The following MGMT variants were observed in gnomAD, a reference collection of about 807,000 sequenced individuals.
The protein encoded by MGMT is methylated-DNA--protein-cysteine methyltransferase.
A neutral mutation model predicts 15.9 loss-of-function variants in MGMT; 14 were observed. The observed-to-expected ratio is 0.88, with a 90% confidence interval of 0.58 to 1.37. MGMT has a LOEUF of 1.37. Ranked by LOEUF, MGMT falls within the 40% of genes most tolerant of loss-of-function variation. The pLI is 0.00. For synonymous variants in MGMT, 130 were observed against 118.2 expected, an observed-to-expected ratio of 1.10 and a Z score of -0.65; for missense variants, 282 against 268.1, an observed-to-expected ratio of 1.05 and a Z score of -0.36.
At chr10:129,472,860 GGTA>G (rs1471109250) in intron 1 of MGMT, among the ~76,000 whole-genome samples, 1 of 152,038 alleles carries the variant, frequency 6.6e-6, no homozygotes, top group African/African-American at 2.4e-5. Flanking sequence ...TGCAGCATAA[GGTA>G]GTTCCCTATT....
chr10:129,609,524 G>A (rs545234403), intron 2 of MGMT, among the ~76,000 whole-genome samples: 5 of 152,354 alleles, frequency 3.3e-5, no homozygotes, highest in South Asian at 2.1e-4. Flanking sequence ...TGCCACCCAA[G>A]GTGAAGAGGA....
chr10:129,754,657 GAGAAGTCCA>G (rs1347680769), intron 3 of MGMT, among the ~76,000 whole-genome samples: 2 of 152,250 alleles, frequency 1.3e-5, no homozygotes, highest in African/African-American at 4.8e-5. Context: ...TCTGGAGGCT[GAGAAGTCCA>G]AGAGCATGAC....
intron 2 of MGMT, among the ~76,000 whole-genome samples, chr10:129,610,502 C>T (rs946619365): frequency 6.6e-6 from 1 of 152,262 alleles, no homozygotes; most frequent in Non-Finnish European, 1.5e-5. Flanking sequence ...TTTTCTTCAG[C>T]TCTCCGTCCA....
At chr10:129,655,030 G>A (rs989064610) in intron 2 of MGMT, among the ~76,000 whole-genome samples, 1 of 152,202 alleles carries the variant, frequency 6.6e-6, no homozygotes, top group Non-Finnish European at 1.5e-5. Context: ...ATTCAGGCTC[G>A]ATGGAGAGGG....
chr10:129,767,447 A>T lies in MGMT; in HGVS notation c.*450A>T, dbSNP rs567211766. ...GCTGTGATGGCATTCTCCACTCAGC[A>T]GTTCCTAGCATCCCACACCCAGGTC... On this transcript the variant is annotated 3_prime_UTR_variant, in exon 5 of 5. Coordinates refer to ENST00000651593, the MANE Select transcript of MGMT (RefSeq NM_002412.5). The T allele has an allele frequency of 6.5e-6, 1 of 154,944 alleles. No individual in the cohort carries two copies. The highest frequency in any genetic ancestry group is 1.4e-5 in the Non-Finnish European group (1 of 69,956). 9.6% of individuals were successfully genotyped at this position (154,944 alleles called of 1,614,324 possible).
At chr10:129,706,666 C>A (rs1007534659) in intron 2 of MGMT, among the ~76,000 whole-genome samples, 6 of 152,078 alleles carry the variant, frequency 3.9e-5, no homozygotes, top group African/African-American at 1.4e-4. Flanking sequence ...GAAATCGGAC[C>A]CAGGGCCAGG....
chr10:129,578,849 A>G (rs555247154), intron 2 of MGMT, among the ~76,000 whole-genome samples: 51 of 152,322 alleles, frequency 3.3e-4, no homozygotes, highest in African/African-American at 1.2e-3. Flanking sequence ...TATTAGTACA[A>G]ATAGTTTTAA....
chr10:129,504,212 G>C (rs901558304), intron 1 of MGMT, among the ~76,000 whole-genome samples: 2 of 152,218 alleles, frequency 1.3e-5, no homozygotes, highest in African/African-American at 2.4e-5. Context: ...GTATGTACCT[G>C]GAACACAGCA....
chr10:129,549,904 G>T (rs184503902), intron 2 of MGMT, among the ~76,000 whole-genome samples: 2 of 152,174 alleles, frequency 1.3e-5, no homozygotes, highest in East Asian at 3.9e-4. Flanking sequence ...GTCTGATATG[G>T]AGGAGCAGAG....
intron 2 of MGMT, among the ~76,000 whole-genome samples, chr10:129,675,130 G>A (rs775300115): frequency 1.3e-5 from 2 of 152,210 alleles, no homozygotes; most frequent in Admixed American, 1.3e-4. Context: ...TGTGCTTGCC[G>A]TGCAAAGCAG....
rs56257901 is a variant in MGMT, at chr10:129,767,050, G to C, written c.*53G>C. 5.5e-6 allele frequency: 8 copies of C among 1,452,608 alleles called. No individual in the cohort carries two copies. In the African/African-American group the frequency reaches 1.1e-4, roughly 20 times the overall value. 90.0% of individuals were successfully genotyped at this position (1,452,608 alleles called of 1,614,324 possible). A position where few individuals can be genotyped will look rare whatever the true frequency, so the allele number is the denominator to read the frequency against. On this transcript the variant is annotated 3_prime_UTR_variant, in exon 5 of 5. Coordinates refer to ENST00000651593, the MANE Select transcript of MGMT (RefSeq NM_002412.5). ...CGACACACACGTGTAACACTGCATC[G>C]GATGCGGGGCGTGGAGGCACCGCTG...
At chr10:129,481,092 A>G (rs1409577114) in intron 1 of MGMT, among the ~76,000 whole-genome samples, 1 of 152,134 alleles carries the variant, frequency 6.6e-6, no homozygotes. Flanking sequence ...CCTTCCTCCT[A>G]GAGTTTGGTG....
intron 2 of MGMT, among the ~76,000 whole-genome samples, chr10:129,582,222 C>T (rs1846564802): frequency 6.6e-6 from 1 of 152,210 alleles, no homozygotes; most frequent in African/African-American, 2.4e-5. Context: ...CCCCGCCTGG[C>T]CTTCTGCCCG....
At chr10:129,554,819 T>C (rs1239543820) in intron 2 of MGMT, among the ~76,000 whole-genome samples, 2 of 152,160 alleles carry the variant, frequency 1.3e-5, no homozygotes, top group East Asian at 3.9e-4. Flanking sequence ...TTCCTGGCAT[T>C]ATTACCCAGT....
chr10:129,629,397 G>C (rs4751107), intron 2 of MGMT, among the ~76,000 whole-genome samples: 3 of 152,016 alleles, frequency 2.0e-5, no homozygotes, highest in Non-Finnish European at 4.4e-5. Flanking sequence ...GTGTATCATA[G>C]AATATTTCAT....
chr10:129,469,724 A>G (rs1366783822), intron 1 of MGMT, among the ~76,000 whole-genome samples: 1 of 152,156 alleles, frequency 6.6e-6, no homozygotes, highest in Non-Finnish European at 1.5e-5. Context: ...TATTATTTTT[A>G]GAGACAAGGT....
chr10:129,763,774 C>A (rs1025216211), intron 4 of MGMT, among the ~76,000 whole-genome samples: 9 of 152,184 alleles, frequency 5.9e-5, no homozygotes, highest in Admixed American at 1.3e-4. Flanking sequence ...TGATAAAAAT[C>A]ATCAATCAGG....
intron 2 of MGMT, among the ~76,000 whole-genome samples, chr10:129,587,324 G>GT (rs368600603): frequency 5.1e-4 from 75 of 147,028 alleles, no homozygotes; most frequent in East Asian, 2.0e-3. Flanking sequence ...TGATTTTTTT[G>GT]TTTTTTTTGC....
chr10:129,656,808 C>T (rs944158961), intron 2 of MGMT, among the ~76,000 whole-genome samples: 12 of 151,996 alleles, frequency 7.9e-5, no homozygotes, highest in African/African-American at 1.2e-4. Context: ...CTGAATACAA[C>T]GGGAGGCAGG....
Sources: allele counts gnomAD v4.1 joint callset (sites outside exome capture counted in the v4.1 genomes callset), GRCh38; gene constraint gnomAD v4.1.1; transcripts MANE v1.5; gene names NCBI Gene and HGNC (gene_info 2026-07-23, HGNC 2026-07-21).